The following PTGR1 variants were observed in gnomAD, a reference collection of about 807,000 sequenced individuals.
PTGR1 encodes 15-oxoprostaglandin 13-reductase.
A neutral mutation model predicts 37.7 loss-of-function variants in PTGR1; 23 were observed. The ratio of observed to expected loss-of-function variants is 0.61; its 90% CI spans 0.44 to 0.86. The LOEUF is 0.86. Among genes scored for constraint, PTGR1 ranks in the 40% least tolerant of loss-of-function variants. The pLI, the probability that PTGR1 is intolerant of heterozygous loss-of-function variation, is 0.00. For synonymous variants in PTGR1, 134 were observed against 140.0 expected (o/e 0.96, Z 0.30); for missense variants, 351 against 394.3 (o/e 0.89, Z 0.93).
intron 9 of PTGR1, among the ~76,000 whole-genome samples, chr9:111,565,088 C>T (rs139224391): frequency 2.6e-5 from 4 of 152,184 alleles, no homozygotes; most frequent in African/African-American, 9.6e-5. Flanking sequence ...CGCACCATTG[C>T]ACCCCAGCCT....
intron 5 of PTGR1, among the ~76,000 whole-genome samples, chr9:111,584,239 A>AT (rs1829365275): frequency 6.6e-6 from 1 of 152,328 alleles, no homozygotes; most frequent in African/African-American, 2.4e-5. Context: ...AGGTGATATG[A>AT]TTGAAGACTT....
At chr9:111,561,781 AG>A (rs1828330218), downstream of PTGR1, among the ~76,000 whole-genome samples, 1 of 151,412 alleles carries the variant, frequency 6.6e-6, no homozygotes, top group African/African-American at 2.4e-5. Context: ...CACAAGCAAT[AG>A]GGGTGGTAAT....
downstream of PTGR1, among the ~76,000 whole-genome samples, chr9:111,558,955 C>G (rs537779695): frequency 1.3e-5 from 2 of 152,226 alleles, no homozygotes; most frequent in South Asian, 2.1e-4. Flanking sequence ...ACCACTACCC[C>G]CTCTCCTGCA....
chr9:111,557,480 C>T (rs1828159195), intron 9 of PTGR1, among the ~76,000 whole-genome samples: 2 of 151,682 alleles, frequency 1.3e-5, no homozygotes, highest in African/African-American at 4.8e-5. Context: ...GAGTCTCGCT[C>T]TGTCTCTCAG....
intron 2 of PTGR1, among the ~76,000 whole-genome samples, chr9:111,596,734 C>G (rs1829792546): frequency 6.6e-6 from 1 of 151,564 alleles, no homozygotes; most frequent in African/African-American, 2.4e-5. Flanking sequence ...TGCAATCCAG[C>G]CTGGGTGACA....
At chr9:111,577,005 C>G (rs565732988) in intron 7 of PTGR1, 1 of 152,124 alleles carries the variant, frequency 6.6e-6, no homozygotes, top group South Asian at 2.1e-4. Flanking sequence ...GCAGGAGAAT[C>G]ACTTGAACTC....
At chr9:111,573,058 T>G (rs1828897731) in intron 8 of PTGR1, among the ~76,000 whole-genome samples, 1 of 152,140 alleles carries the variant, frequency 6.6e-6, no homozygotes, top group African/African-American at 2.4e-5. Flanking sequence ...TCCATCTGAT[T>G]AAAATGGAAC....
chr9:111,565,637 C>A (rs1388699671), intron 9 of PTGR1, among the ~76,000 whole-genome samples: 1 of 152,124 alleles, frequency 6.6e-6, no homozygotes, highest in African/African-American at 2.4e-5. Context: ...GATCCTCCCA[C>A]CTCAGCCTCC....
At chr9:111,589,877 C>T (rs549875772) in intron 4 of PTGR1, among the ~76,000 whole-genome samples, 72 of 152,158 alleles carry the variant, frequency 4.7e-4, no homozygotes, top group African/African-American at 1.4e-3. Flanking sequence ...TCAAGTGATC[C>T]GCCCACCTTG....
intron 7 of PTGR1, among the ~76,000 whole-genome samples, chr9:111,578,493 A>G (rs993877079): frequency 3.3e-5 from 5 of 152,204 alleles, no homozygotes; most frequent in Non-Finnish European, 7.3e-5. Flanking sequence ...TGCGATCTCC[A>G]TAAGGAACGC....
At chr9:111,586,381 T>G (rs1829429439) in intron 4 of PTGR1, among the ~76,000 whole-genome samples, 1 of 152,162 alleles carries the variant, frequency 6.6e-6, no homozygotes, top group Non-Finnish European at 1.5e-5. Context: ...AAGGAGTGGC[T>G]CATGGGGTGA....
intron 1 of PTGR1, among the ~76,000 whole-genome samples, chr9:111,598,400 G>T (rs557799883): frequency 6.6e-6 from 1 of 152,338 alleles, no homozygotes; most frequent in Admixed American, 6.5e-5. Flanking sequence ...CGCGGGAGGG[G>T]ACACGGTGAC....
intron 9 of PTGR1, among the ~76,000 whole-genome samples, chr9:111,565,761 G>A (rs778786331): frequency 1.3e-5 from 2 of 152,120 alleles, no homozygotes; most frequent in Non-Finnish European, 1.5e-5. Flanking sequence ...CTGGGCTCAA[G>A]CAGTCCTCCT....
intron 9 of PTGR1, among the ~76,000 whole-genome samples, chr9:111,564,428 C>T (rs1223324789): frequency 1.3e-5 from 2 of 151,820 alleles, no homozygotes; most frequent in African/African-American, 2.4e-5. Context: ...GCCTCAGCCT[C>T]CTGAGTAGCT....
chr9:111,554,272 G>A (rs1828056209), intron 9 of PTGR1, among the ~76,000 whole-genome samples: 1 of 152,060 alleles, frequency 6.6e-6, no homozygotes, highest in Non-Finnish European at 1.5e-5. Flanking sequence ...TGGTACTACA[G>A]ATCCTGTAAC....
intron 3 of PTGR1, among the ~76,000 whole-genome samples, chr9:111,593,742 C>T (rs1188399834): frequency 2.0e-5 from 3 of 152,024 alleles, no homozygotes; most frequent in Non-Finnish European, 2.9e-5. Flanking sequence ...GATCTTGGCT[C>T]GCTGCAACCT....
At chr9:111,580,515 G>C (rs768025708) in intron 6 of PTGR1, among the ~76,000 whole-genome samples, 6 of 152,120 alleles carry the variant, frequency 3.9e-5, no homozygotes, top group South Asian at 2.1e-4. Context: ...CAGCACTTTG[G>C]GGGGCTGAGG....
At chr9:111,576,354 G>C (rs781043501) in intron 7 of PTGR1, 2 of 1,613,806 alleles carry the variant, frequency 1.2e-6, no homozygotes, top group East Asian at 2.2e-5. Flanking sequence ...GCTTTCCCTG[G>C]TCACTTGCAG....
Position 111,585,943 on chromosome 9 carries a change from T to C in PTGR1, c.377+55A>G. 1.9e-6 allele frequency: 3 copies of C among 1,596,192 alleles called. No homozygotes were observed. In the South Asian group the frequency reaches 3.4e-5, roughly 18 times the overall value. On this transcript the variant is annotated intron_variant, in intron 5 of 9. Transcript: ENST00000407693. ...TGACCAAGTTCTGAACAAACCATTT[T>C]GGAAAATCAGAGTGTCAGACATTCA...
Sources: gnomAD v4.1 joint callset for allele counts (sites outside exome capture counted in the v4.1 genomes callset) on GRCh38, gnomAD v4.1.1 for gene constraint, MANE v1.5 for transcripts, NCBI Gene and HGNC (gene_info 2026-07-23, HGNC 2026-07-21) for gene names.